SIPA1L3: variants seen among roughly 807,000 people sequenced by gnomAD.
SIPA1L3 encodes the protein signal induced proliferation associated 1 like 3, also known as signal-induced proliferation-associated 1-like protein 3.
Under a neutral mutation model 150.1 loss-of-function variants are expected in SIPA1L3, and 59 were observed. The observed-to-expected ratio is 0.39, with a 90% CI of 0.32 to 0.49. SIPA1L3 has a LOEUF of 0.49. Among genes scored for constraint, SIPA1L3 ranks in the 20% least tolerant of loss-of-function variants. The pLI, the probability that SIPA1L3 is intolerant of heterozygous loss-of-function variation, is 0.86. For missense variants in SIPA1L3, 2,211 were observed against 2,489.5 expected (o/e 0.89, Z 2.38); for synonymous variants, 1,070 against 1,077.6 (o/e 0.99, Z 0.14).
chr19:38,061,979 G>A (rs8103597), intron 2 of SIPA1L3, among the ~76,000 whole-genome samples: 22,610 of 151,434 alleles, frequency 0.15, 2,038 homozygotes, highest in African/African-American at 0.23. Context: ...ATGGTGGCTT[G>A]CTGGCATTTG....
rs560241279 is a variant in SIPA1L3, at chr19:37,926,937, C to T, written c.-379+19579C>T. The stretch of plus-strand genomic sequence containing the variant: ...CGACAACCCTGGAAGATATTATTCT[C>T]CCTTTGCAGATGAGGTAACTAAATT... On this transcript the variant is annotated intron_variant, in intron 1 of 21. Coordinates refer to ENST00000222345, the MANE Select transcript of SIPA1L3 (RefSeq NM_015073.3). Among the ~76,000 whole-genome samples, 3 of 152,104 alleles carry T rather than the reference C, an allele frequency of 2.0e-5. No homozygotes were observed. In the South Asian group the frequency reaches 6.2e-4, roughly 32 times the overall value.
chr19:37,998,989 ACACACACACACACACACACACACC>A (rs1810560884), intron 1 of SIPA1L3, among the ~76,000 whole-genome samples: 1 of 151,006 alleles, frequency 6.6e-6, no homozygotes, highest in African/African-American at 2.4e-5. Flanking sequence ...TCACACACAC[ACACACACACACACACACACACACC>A]CACACACACA....
At chr19:38,202,470 C>G (rs1024150142) in intron 20 of SIPA1L3, among the ~76,000 whole-genome samples, 1 of 152,108 alleles carries the variant, frequency 6.6e-6, no homozygotes, top group Admixed American at 6.5e-5. Flanking sequence ...TGCCTGTAAT[C>G]CCAGCTACTC....
chr19:38,193,712 A>G lies in SIPA1L3; in HGVS notation c.4772A>G (p.Gln1591Arg). The change falls in exon 18 of 22, where the codon CAG becomes CGG. Residue 1591 changes from glutamine to arginine, a missense_variant. Physicochemically the swap from Gln to Arg is conservative, Grantham distance 43. This residue lies in a region of SIPA1L3 where 806 missense variants were observed against 870.1 expected (regional missense o/e 0.93). Coordinates refer to ENST00000222345, the MANE Select transcript of SIPA1L3 (RefSeq NM_015073.3). ...SSTLPARRQH[Q>R]HPHPPVGPGA... is the part of the protein sequence containing the mutation. Reference sequence around the variant, plus strand: ...ACGCTGCCTGCACGCCGCCAGCACCAGCACCCCCACCCGCCCGTCGGCCCC... The same window carrying G: ...ACGCTGCCTGCACGCCGCCAGCACCGGCACCCCCACCCGCCCGTCGGCCCC... The G allele has an allele frequency of 6.4e-7, 1 of 1,570,938 alleles. No individual in the cohort carries two copies. The highest frequency in any genetic ancestry group is 1.4e-5 in the African/African-American group (1 of 73,426).
chr19:37,923,755 G>A (rs1355078732), intron 1 of SIPA1L3, among the ~76,000 whole-genome samples: 2 of 151,688 alleles, frequency 1.3e-5, no homozygotes, highest in Non-Finnish European at 1.5e-5. Flanking sequence ...TAACTGTTTG[G>A]GTTTTTTTTT....
At chr19:38,198,977 A>G (rs1973028642) in intron 19 of SIPA1L3, among the ~76,000 whole-genome samples, 1 of 152,210 alleles carries the variant, frequency 6.6e-6, no homozygotes, top group Non-Finnish European at 1.5e-5. Flanking sequence ...GGGGGAAAAA[A>G]AAAATCTGTC....
Position 38,081,968 on chromosome 19 carries a change from T to A in SIPA1L3, c.403T>A (p.Ser135Thr), listed in dbSNP as rs1051240786. 3 of 1,613,796 alleles carry A rather than the reference T, an allele frequency of 1.9e-6. No homozygotes were observed. The African/African-American group carries it at 4.0e-5, about 22-fold the overall frequency. ...CACCAGCACCCCGGCTTCCTCAGGG[T>A]CCAAAGCCTTCCACCGACTCTCCAG... ...PPTSTPASSG[S>T]KAFHRLSRRR... is the part of the protein sequence containing the mutation. Residue 135 changes from serine (S) to threonine (T), a missense_variant, in exon 3 of 22, where the codon TCC (serine) becomes ACC (threonine). Physicochemically the swap from Ser to Thr is moderately conservative, Grantham distance 58. This residue lies in a region of SIPA1L3 where 587 missense variants were observed against 534.5 expected (regional missense o/e 1.10). Transcript: ENST00000222345.
intron 1 of SIPA1L3, among the ~76,000 whole-genome samples, chr19:37,947,417 A>T (rs2046722010): frequency 6.6e-6 from 1 of 151,252 alleles, no homozygotes; most frequent in Non-Finnish European, 1.5e-5. Context: ...TGAACCCAGG[A>T]GGCAGAGGTT....
At chr19:38,089,354 A>G (rs1970212752) in intron 4 of SIPA1L3, among the ~76,000 whole-genome samples, 1 of 152,036 alleles carries the variant, frequency 6.6e-6, no homozygotes, top group African/African-American at 2.4e-5. Context: ...AAAAGAAAAA[A>G]AAAATTAAAT....
At chr19:37,915,625 G>A (rs1246219696) in intron 1 of SIPA1L3, among the ~76,000 whole-genome samples, 1 of 151,954 alleles carries the variant, frequency 6.6e-6, no homozygotes, top group African/African-American at 2.4e-5. Flanking sequence ...CAAGTGATCC[G>A]ACGGCCTCAG....
At chr19:38,166,328 G>A (rs1046327533) in intron 15 of SIPA1L3, among the ~76,000 whole-genome samples, 4 of 151,836 alleles carry the variant, frequency 2.6e-5, no homozygotes, top group Admixed American at 1.3e-4. Flanking sequence ...ATGGTAGTGG[G>A]CGCCTGTAGT....
intron 1 of SIPA1L3, among the ~76,000 whole-genome samples, chr19:37,911,512 C>A (rs980552595): frequency 2.8e-5 from 4 of 143,722 alleles, no homozygotes; most frequent in African/African-American, 1.0e-4. Context: ...TCTGAGATGT[C>A]TTTTTTTTTT....
chr19:38,206,258 C>T lies in SIPA1L3; in HGVS notation c.*18C>T, dbSNP rs1466012643. The T allele has an allele frequency of 6.5e-6, 10 of 1,529,034 alleles. No homozygotes were observed. In the East Asian group the frequency reaches 7.4e-5, roughly 11 times the overall value. 94.7% of individuals were successfully genotyped at this position (1,529,034 alleles called of 1,614,324 possible). On this transcript the variant is annotated 3_prime_UTR_variant, in exon 22 of 22. Coordinates refer to ENST00000222345, the MANE Select transcript of SIPA1L3 (RefSeq NM_015073.3). Reference sequence around the variant, plus strand: ...AGCTCTGAGGTGGGAGGCCGCCGCCCGCCTTCGCTCCTTCCCCTCAGGCCG... The same window carrying T: ...AGCTCTGAGGTGGGAGGCCGCCGCCTGCCTTCGCTCCTTCCCCTCAGGCCG...
chr19:37,957,213 T>G (rs1320317344), intron 1 of SIPA1L3, among the ~76,000 whole-genome samples: 1 of 152,234 alleles, frequency 6.6e-6, no homozygotes, highest in East Asian at 1.9e-4. Context: ...TCGGGAAGTG[T>G]TAAGTCCTCA....
chr19:37,918,262 ATTGT>A (rs1038077799), intron 1 of SIPA1L3, among the ~76,000 whole-genome samples: 3 of 150,800 alleles, frequency 2.0e-5, no homozygotes, highest in East Asian at 2.0e-4. Flanking sequence ...TGTTTGTTTG[ATTGT>A]TTGTTTGTTT....
chr19:37,999,553 G>A (rs563149594), intron 1 of SIPA1L3, among the ~76,000 whole-genome samples: 43 of 152,274 alleles, frequency 2.8e-4, no homozygotes, highest in African/African-American at 9.9e-4. Flanking sequence ...GCCTGTGGAC[G>A]TTAGGGAGGG....
In SIPA1L3 at chr19:38,207,042, C is replaced by T. The variant is rs774948295; in HGVS notation, c.*802C>T. ...GTCCACAGGCCCCTCCACCTTCCAG[C>T]TAACCAGGCCAGGCCGGGGCGGTGG... On this transcript the variant is annotated 3_prime_UTR_variant, in exon 22 of 22. Transcript: ENST00000222345. The T allele has an allele frequency of 1.3e-5, 2 of 152,222 alleles. No homozygotes were observed. The highest frequency in any genetic ancestry group is 2.4e-5 in the African/African-American group (1 of 41,448). 9.4% of individuals were successfully genotyped at this position (152,222 alleles called of 1,614,324 possible). A position where few individuals can be genotyped will look rare whatever the true frequency, so the allele number is the denominator to read the frequency against.
intron 2 of SIPA1L3, among the ~76,000 whole-genome samples, chr19:38,039,618 G>GA (rs1164365010): frequency 6.7e-6 from 1 of 149,702 alleles, no homozygotes; most frequent in African/African-American, 2.5e-5. Context: ...TGCTTGAACC[G>GA]GGGAGGCAGA....
chr19:38,203,251 G>C (rs971833333), intron 20 of SIPA1L3, among the ~76,000 whole-genome samples: 2 of 152,158 alleles, frequency 1.3e-5, no homozygotes, highest in African/African-American at 4.8e-5. Context: ...GGGAAGCAGC[G>C]GGACCTGTGG....
Sources: gnomAD v4.1 joint callset for allele counts (sites outside exome capture counted in the v4.1 genomes callset) on GRCh38, gnomAD v4.1.1 for gene constraint, gnomAD v4.1.1 regional missense constraint, MANE v1.5 for transcripts, NCBI Gene and HGNC (gene_info 2026-07-23, HGNC 2026-07-21) for gene names.